Variants in CRTC1 observed in about 807,000 individuals in gnomAD.
CRTC1 encodes CREB regulated transcription coactivator 1.
A neutral mutation model predicts 66.1 loss-of-function variants in CRTC1; 18 were observed. The observed-to-expected ratio is 0.27, with a 90% CI of 0.19 to 0.40. CRTC1 has a LOEUF of 0.40. Among genes scored for constraint, CRTC1 ranks in the 10% least tolerant of loss-of-function variants. The pLI is 1.00. For synonymous variants in CRTC1, 416 were observed against 398.8 expected, an observed-to-expected ratio of 1.04 and a Z score of -0.51; for missense variants, 669 against 887.9, an observed-to-expected ratio of 0.75 and a Z score of 3.13.
At chr19:18,694,629 T>G (rs2052940361) in intron 1 of CRTC1, among the ~76,000 whole-genome samples, 1 of 151,654 alleles carries the variant, frequency 6.6e-6, no homozygotes, top group South Asian at 2.1e-4. Flanking sequence ...GACAGGGTCT[T>G]CTCCCTGTGT....
intron 1 of CRTC1, among the ~76,000 whole-genome samples, chr19:18,725,786 G>T (rs1369164822): frequency 6.6e-6 from 1 of 152,204 alleles, no homozygotes; most frequent in Non-Finnish European, 1.5e-5. Context: ...AACACAGCCT[G>T]CATGGTCTCC....
At chr19:18,709,962 C>T (rs1160129638) in intron 1 of CRTC1, among the ~76,000 whole-genome samples, 1 of 152,176 alleles carries the variant, frequency 6.6e-6, no homozygotes, top group African/African-American at 2.4e-5. Context: ...TCTCGTCCCA[C>T]CCAGGATGGG....
intron 6 of CRTC1, among the ~76,000 whole-genome samples, chr19:18,757,498 C>A (rs1484240287): frequency 2.6e-5 from 4 of 152,168 alleles, no homozygotes; most frequent in Non-Finnish European, 4.4e-5. Context: ...AGAGCCAGAC[C>A]CCACCCTGCC....
chr19:18,725,127 T>A (rs1044096745), intron 1 of CRTC1, among the ~76,000 whole-genome samples: 4 of 152,096 alleles, frequency 2.6e-5, no homozygotes, highest in Non-Finnish European at 4.4e-5. Context: ...TCAGTATCTT[T>A]TCTTCATAGC....
chr19:18,719,885 C>A (rs896841938), intron 1 of CRTC1, among the ~76,000 whole-genome samples: 1 of 152,210 alleles, frequency 6.6e-6, no homozygotes, highest in Non-Finnish European at 1.5e-5. Context: ...GGCACAGGCC[C>A]GCTCCGGGAA....
chr19:18,756,059 T>G (rs2054477376), intron 6 of CRTC1, among the ~76,000 whole-genome samples: 1 of 151,942 alleles, frequency 6.6e-6, no homozygotes, highest in African/African-American at 2.4e-5. Flanking sequence ...CTAGGCCAGG[T>G]GCAGTGGCTT....
At chr19:18,702,447 A>G (rs556997742) in intron 1 of CRTC1, among the ~76,000 whole-genome samples, 37 of 151,740 alleles carry the variant, frequency 2.4e-4, no homozygotes, top group Admixed American at 1.5e-3. Context: ...GCTGGTCTCA[A>G]ACTCCTGGGC....
At chr19:18,758,092 G>A (rs1031845759) in intron 6 of CRTC1, among the ~76,000 whole-genome samples, 2 of 151,716 alleles carry the variant, frequency 1.3e-5, no homozygotes, top group East Asian at 1.9e-4. Flanking sequence ...GCCAGGCACC[G>A]TGGCTCATGC....
chr19:18,759,960 G>C, intron 7 of CRTC1, 48 bp from the exon 8 acceptor site: 5 of 1,343,424 alleles, frequency 3.7e-6, no homozygotes, highest in African/African-American at 1.5e-5. Context: ...CCCGCCGCCA[G>C]CCCCGCCCCA....
intron 1 of CRTC1, among the ~76,000 whole-genome samples, chr19:18,695,177 T>C (rs2052954984): frequency 6.6e-6 from 1 of 152,054 alleles, no homozygotes; most frequent in Non-Finnish European, 1.5e-5. Context: ...AGCTAATTTT[T>C]GTACTTTTGG....
intron 1 of CRTC1, among the ~76,000 whole-genome samples, chr19:18,718,239 G>A (rs1255413313): frequency 6.6e-6 from 1 of 151,960 alleles, no homozygotes; most frequent in East Asian, 1.9e-4. Context: ...CAGATCGATG[G>A]AATCTCACAC....
At chr19:18,724,307 T>C (rs2051816) in intron 1 of CRTC1, among the ~76,000 whole-genome samples, 121,336 of 151,740 alleles carry the variant, frequency 0.8, 49,378 homozygotes, top group East Asian at 1. Context: ...TTAGAGGTGA[T>C]GGGTTGTTGC....
intron 1 of CRTC1, among the ~76,000 whole-genome samples, chr19:18,719,307 G>A (rs531644704): frequency 3.0e-4 from 46 of 152,312 alleles, no homozygotes; most frequent in African/African-American, 1.1e-3. Context: ...AAGATGGTGA[G>A]ACAGGCAAGG....
At chr19:18,684,058 G>A (rs1034305318) in intron 1 of CRTC1, among the ~76,000 whole-genome samples, 1 of 151,686 alleles carries the variant, frequency 6.6e-6, no homozygotes, top group Non-Finnish European at 1.5e-5. Context: ...CAGGTGCCCT[G>A]CATCACTGCT....
chr19:18,762,464 C>G (rs1224635608), intron 8 of CRTC1, among the ~76,000 whole-genome samples: 1 of 152,222 alleles, frequency 6.6e-6, no homozygotes, highest in Admixed American at 6.5e-5. Context: ...TCCTCGCAAG[C>G]CCACCCGCCA....
intron 3 of CRTC1, among the ~76,000 whole-genome samples, chr19:18,746,350 G>A (rs1337924853): frequency 6.6e-6 from 1 of 152,178 alleles, no homozygotes; most frequent in Non-Finnish European, 1.5e-5. Context: ...ACGGAGGGCA[G>A]CCCAGCCAAG....
intron 9 of CRTC1, 107 bp downstream of exon 9, chr19:18,765,635 T>C: frequency 1.9e-6 from 2 of 1,076,468 alleles, no homozygotes; most frequent in Non-Finnish European, 2.6e-6. Flanking sequence ...CACAAAACCT[T>C]GAGAATGCTC....
intron 1 of CRTC1, among the ~76,000 whole-genome samples, chr19:18,695,762 G>T (rs1393597470): frequency 6.6e-6 from 1 of 152,200 alleles, no homozygotes; most frequent in Non-Finnish European, 1.5e-5. Flanking sequence ...CTACTCGGGA[G>T]GGTGAGGCAG....
intron 1 of CRTC1, among the ~76,000 whole-genome samples, chr19:18,730,853 GC>G (rs1189076981): frequency 6.6e-6 from 1 of 152,138 alleles, no homozygotes; most frequent in Admixed American, 6.5e-5. Flanking sequence ...CTCCTGGTGT[GC>G]CCCGAGTCGT....
Sources: gnomAD v4.1 joint callset for allele counts (sites outside exome capture counted in the v4.1 genomes callset) on GRCh38, gnomAD v4.1.1 for gene constraint, MANE v1.5 for transcripts, NCBI Gene and HGNC (gene_info 2026-07-23, HGNC 2026-07-21) for gene names.